The following KCNIP3 variants were observed in gnomAD, a reference collection of about 807,000 sequenced individuals.
KCNIP3 encodes the protein calsenilin.
In KCNIP3, 28 loss-of-function variants were observed where a neutral mutation model predicts 35.0. That is an observed-to-expected ratio of 0.80 (90% CI 0.59 to 1.10). The LOEUF (loss-of-function observed/expected upper bound fraction) is 1.10. KCNIP3 is among the 50% of genes least tolerant of loss of function. The pLI is 0.00. For synonymous variants in KCNIP3, 134 were observed against 133.8 expected (o/e 1.00, Z -0.01); for missense variants, 295 against 338.4 (o/e 0.87, Z 1.01).
At chr2:95,369,179 A>C (rs1679985355) in intron 2 of KCNIP3, among the ~76,000 whole-genome samples, 1 of 152,156 alleles carries the variant, frequency 6.6e-6, no homozygotes, top group African/African-American at 2.4e-5. Context: ...ATGGATGTTG[A>C]ATTTTGTCAA....
At chr2:95,355,704 C>T (rs973378588) in intron 2 of KCNIP3, among the ~76,000 whole-genome samples, 4 of 152,160 alleles carry the variant, frequency 2.6e-5, no homozygotes, top group African/African-American at 9.7e-5. Flanking sequence ...CATAGTATTC[C>T]ATGGTGTATA....
chr2:95,344,756 C>T (rs1679305642), intron 2 of KCNIP3, among the ~76,000 whole-genome samples: 1 of 152,188 alleles, frequency 6.6e-6, no homozygotes, highest in Non-Finnish European at 1.5e-5. Context: ...CCACTGGAGC[C>T]CCTGCCACGT....
intron 2 of KCNIP3, among the ~76,000 whole-genome samples, chr2:95,370,194 A>G (rs1680010726): frequency 6.6e-6 from 1 of 152,078 alleles, no homozygotes; most frequent in South Asian, 2.1e-4. Context: ...TGTATGTTGG[A>G]CATTGTGAAA....
At chr2:95,348,606 G>A (rs1368651765) in intron 2 of KCNIP3, among the ~76,000 whole-genome samples, 1 of 152,198 alleles carries the variant, frequency 6.6e-6, no homozygotes, top group African/African-American at 2.4e-5. Flanking sequence ...ACAGTCGGGG[G>A]CAGTGTGAGG....
intron 1 of KCNIP3, among the ~76,000 whole-genome samples, chr2:95,300,250 G>A (rs1677988966): frequency 6.6e-6 from 1 of 152,246 alleles, no homozygotes; most frequent in Non-Finnish European, 1.5e-5. Context: ...CACGTGACCT[G>A]GAGCTAGCTG....
chr2:95,340,338 A>C (rs1206190770), intron 2 of KCNIP3, among the ~76,000 whole-genome samples: 2 of 150,596 alleles, frequency 1.3e-5, no homozygotes, highest in Non-Finnish European at 3.0e-5. Flanking sequence ...CTCCATCTCA[A>C]AAACAAACAA....
intron 2 of KCNIP3, among the ~76,000 whole-genome samples, chr2:95,330,821 C>T (rs1470300385): frequency 1.3e-5 from 2 of 152,178 alleles, no homozygotes; most frequent in Non-Finnish European, 2.9e-5. Flanking sequence ...ATGTCCCAGG[C>T]TCTGGGGACA....
At chr2:95,339,910 T>C (rs1214325717) in intron 2 of KCNIP3, among the ~76,000 whole-genome samples, 2 of 152,248 alleles carry the variant, frequency 1.3e-5, no homozygotes, top group African/African-American at 2.4e-5. Context: ...ACCCAGGCCC[T>C]TTCTACCCTG....
intron 2 of KCNIP3, chr2:95,347,035 A>G (rs762108538): frequency 1.9e-6 from 3 of 1,610,216 alleles, no homozygotes; most frequent in Admixed American, 3.3e-5. Context: ...CATCCAGGGC[A>G]TGGAGCTGTG....
At chr2:95,334,382 G>A in intron 2 of KCNIP3, among the ~76,000 whole-genome samples, 1 of 150,288 alleles carries the variant, frequency 6.7e-6, no homozygotes, top group Non-Finnish European at 1.5e-5. Flanking sequence ...GTTAAGGAAT[G>A]CTTCCCCACT....
chr2:95,339,869 G>A (rs772943158), intron 2 of KCNIP3, among the ~76,000 whole-genome samples: 12 of 152,174 alleles, frequency 7.9e-5, no homozygotes, highest in Non-Finnish European at 1.6e-4. Flanking sequence ...CTAGATTGGT[G>A]GGAGGCTCTG....
intron 1 of KCNIP3, among the ~76,000 whole-genome samples, chr2:95,307,651 C>T (rs1420240612): frequency 2.6e-5 from 4 of 152,212 alleles, no homozygotes; most frequent in Admixed American, 1.3e-4. Context: ...TGGGATCTCC[C>T]GCACGACCTG....
chr2:95,372,707 G>T (rs1217066763), intron 2 of KCNIP3, among the ~76,000 whole-genome samples: 10 of 152,186 alleles, frequency 6.6e-5, no homozygotes, highest in Non-Finnish European at 1.0e-4. Flanking sequence ...GTAGGTGTGG[G>T]GTGAGGGCTT....
chr2:95,314,369 T>G (rs1426177758), intron 2 of KCNIP3, among the ~76,000 whole-genome samples: 3 of 152,234 alleles, frequency 2.0e-5, no homozygotes, highest in Admixed American at 2.0e-4. Flanking sequence ...GGTTGTAGTA[T>G]GACATCTGTG....
chr2:95,321,235 T>C (rs1678590219), intron 2 of KCNIP3, among the ~76,000 whole-genome samples: 5 of 152,198 alleles, frequency 3.3e-5, no homozygotes, highest in Admixed American at 3.3e-4. Context: ...CACCTTAGTG[T>C]GGCCTGCAGA....
At chr2:95,311,752 C>A (rs1314282179) in intron 2 of KCNIP3, 1 of 152,414 alleles carries the variant, frequency 6.6e-6, no homozygotes, top group African/African-American at 2.4e-5. Context: ...CCCACAGAGC[C>A]CCTACCCATC....
intron 3 of KCNIP3, 47 bp from the exon 4 acceptor site, chr2:95,374,801 T>C: frequency 6.3e-7 from 1 of 1,597,038 alleles, no homozygotes; most frequent in Non-Finnish European, 8.6e-7. Context: ...GAGTCGGGCT[T>C]GGAGCTGGGG....
At position 95,377,797 on chromosome 2, in the gene KCNIP3, CAG is replaced by C. The variant is rs1680242046; in HGVS notation, c.447+2596_447+2597del. On this transcript the variant is annotated intron_variant, in intron 5 of 8. Coordinates refer to ENST00000295225, the MANE Select transcript of KCNIP3 (RefSeq NM_013434.5). The surrounding 1 kb of genome is among the most constrained non-coding windows in gnomAD (Gnocchi z 4.7). ...TACTGTCACTACTGTAGCCAACACA[CAG>C]AGAGAGGCTAAGGGATACTGCATAG... 6.6e-6 allele frequency among the ~76,000 whole-genome samples: 1 copy of C among 152,212 alleles called. No individual in the cohort carries two copies. The highest frequency in any genetic ancestry group is 2.4e-5 in the African/African-American group (1 of 41,452).
chr2:95,311,528 G>A (rs566030399), intron 2 of KCNIP3: 6 of 152,374 alleles, frequency 3.9e-5, no homozygotes, highest in African/African-American at 1.4e-4. Context: ...CAGCCTCCTA[G>A]GCTTGATGGG....
Sources: allele counts gnomAD v4.1 joint callset (sites outside exome capture counted in the v4.1 genomes callset), GRCh38; gene constraint gnomAD v4.1.1; non-coding constraint Gnocchi (gnomAD v3.1); transcripts MANE v1.5; gene names NCBI Gene and HGNC (gene_info 2026-07-23, HGNC 2026-07-21).